Variants in STPG2 observed in about 807,000 individuals in gnomAD.
STPG2 encodes the protein sperm tail PG-rich repeat containing 2.
In STPG2, 56 loss-of-function variants were observed where a neutral mutation model predicts 54.2. That is an observed-to-expected ratio of 1.03 (90% confidence interval 0.83 to 1.29). STPG2 has a LOEUF of 1.29. Ranked by LOEUF, STPG2 falls within the 50% of genes most tolerant of loss-of-function variation. The pLI, the probability that STPG2 is intolerant of heterozygous loss-of-function variation, is 0.00. For synonymous variants in STPG2, 200 were observed against 181.8 expected, an observed-to-expected ratio of 1.10 and a Z score of -0.81; for missense variants, 596 against 544.9, an observed-to-expected ratio of 1.09 and a Z score of -0.93.
intron 8 of STPG2, among the ~76,000 whole-genome samples, chr4:97,904,758 C>A (rs1047603576): frequency 6.6e-6 from 1 of 152,028 alleles, no homozygotes; most frequent in Non-Finnish European, 1.5e-5. Flanking sequence ...AGAGAAGTGC[C>A]TAAAGGAGCT....
rs547907887 is a variant in STPG2, at chr4:97,481,980, G to A, written c.462+230719C>T. On this transcript the variant is annotated intron_variant, in intron 4 of 4. Transcript: ENST00000522676. Reference sequence around the variant, plus strand: ...AAATACATTGATCTGTAATCTTTTCGTATAAATCATTTATTAGCTTGAAAA... The same window carrying A: ...AAATACATTGATCTGTAATCTTTTCATATAAATCATTTATTAGCTTGAAAA... Among the ~76,000 whole-genome samples, 96 of 151,534 alleles carry A rather than the reference G, an allele frequency of 6.3e-4. No individual in the cohort carries two copies. The South Asian group carries it at 0.012, about 20-fold the overall frequency.
intron 10 of STPG2, among the ~76,000 whole-genome samples, chr4:97,703,186 C>G (rs908704030): frequency 6.6e-5 from 10 of 151,864 alleles, no homozygotes; most frequent in Non-Finnish European, 1.5e-4. Flanking sequence ...GCTCTCTAAA[C>G]AGTTCATGCC....
chr4:98,111,614 C>T (rs1233721244), intron 3 of STPG2, among the ~76,000 whole-genome samples: 2 of 152,020 alleles, frequency 1.3e-5, no homozygotes, highest in Non-Finnish European at 2.9e-5. Context: ...ATCTGCCTGG[C>T]CTGAAAAAAT....
intron 10 of STPG2, among the ~76,000 whole-genome samples, chr4:97,623,448 G>A (rs780445950): frequency 3.9e-5 from 6 of 152,074 alleles, no homozygotes; most frequent in Non-Finnish European, 7.4e-5. Context: ...CAAAGGTCAT[G>A]AACATACACT....
chr4:97,815,233 T>C (rs1649809500), intron 9 of STPG2, among the ~76,000 whole-genome samples: 1 of 152,164 alleles, frequency 6.6e-6, no homozygotes, highest in African/African-American at 2.4e-5. Flanking sequence ...TGTGTGTGTG[T>C]ATGTGTGTGC....
At chr4:97,451,755 G>A (rs897310528) in intron 4 of STPG2, among the ~76,000 whole-genome samples, 4 of 152,108 alleles carry the variant, frequency 2.6e-5, no homozygotes, top group East Asian at 1.9e-4. Flanking sequence ...GGAATTGAGA[G>A]ACTCTCCATC....
intron 9 of STPG2, among the ~76,000 whole-genome samples, chr4:97,817,539 T>C (rs1727953615): frequency 6.6e-6 from 1 of 152,026 alleles, no homozygotes; most frequent in Non-Finnish European, 1.5e-5. Flanking sequence ...TATTTCATTA[T>C]AGTCTATCAC....
intron 5 of STPG2, among the ~76,000 whole-genome samples, chr4:98,017,930 C>T (rs1235023259): frequency 6.6e-6 from 1 of 152,148 alleles, no homozygotes; most frequent in African/African-American, 2.4e-5. Flanking sequence ...TTCTCTTCCA[C>T]CTTCTGCCAT....
At chr4:97,966,429 A>C (rs1342572240) in intron 7 of STPG2, among the ~76,000 whole-genome samples, 3 of 152,372 alleles carry the variant, frequency 2.0e-5, no homozygotes, top group Non-Finnish European at 4.4e-5. Flanking sequence ...AGGAGAATGG[A>C]ACCAAGCTGG....
At chr4:97,596,725 A>G (rs1024662165) in intron 10 of STPG2, among the ~76,000 whole-genome samples, 1 of 152,200 alleles carries the variant, frequency 6.6e-6, no homozygotes, top group African/African-American at 2.4e-5. Context: ...ATGAGAAAAA[A>G]AGATAAAACA....
intron 4 of STPG2, among the ~76,000 whole-genome samples, chr4:97,512,122 T>C (rs1730986153): frequency 6.6e-6 from 1 of 152,082 alleles, no homozygotes; most frequent in Admixed American, 6.6e-5. Context: ...AGTTTCAAAA[T>C]GGCAACAGTT....
intron 5 of STPG2, among the ~76,000 whole-genome samples, chr4:98,037,930 A>T (rs191372703): frequency 1.1e-3 from 170 of 152,282 alleles, no homozygotes; most frequent in African/African-American, 3.9e-3. Context: ...AAATATCATG[A>T]AAGAAGATAA....
intron 8 of STPG2, among the ~76,000 whole-genome samples, chr4:97,902,006 T>A (rs1731194761): frequency 6.6e-6 from 1 of 151,992 alleles, no homozygotes; most frequent in Non-Finnish European, 1.5e-5. Flanking sequence ...AACCCACACA[T>A]ATACTATCAA....
intron 10 of STPG2, among the ~76,000 whole-genome samples, chr4:97,702,799 C>A (rs1259521635): frequency 6.6e-6 from 1 of 152,170 alleles, no homozygotes; most frequent in Non-Finnish European, 1.5e-5. Flanking sequence ...CTTTTCCAGT[C>A]AATGCCCTCA....
chr4:97,906,972 T>G (rs1239014680), intron 8 of STPG2, among the ~76,000 whole-genome samples: 3 of 149,790 alleles, frequency 2.0e-5, no homozygotes, highest in Admixed American at 6.6e-5. Flanking sequence ...AGGGATGCCC[T>G]CTCTCACCAC....
intron 5 of STPG2, among the ~76,000 whole-genome samples, chr4:97,992,364 G>A (rs759404374): frequency 2.1e-4 from 32 of 151,792 alleles, no homozygotes; most frequent in South Asian, 8.3e-4. Flanking sequence ...GTGTCCTTTC[G>A]CCACTTTATG....
chr4:97,970,915 A>T (rs1734302456), intron 7 of STPG2, among the ~76,000 whole-genome samples: 1 of 152,210 alleles, frequency 6.6e-6, no homozygotes, highest in African/African-American at 2.4e-5. Flanking sequence ...TACCCATCTG[A>T]CAAAGGGCTA....
rs1227237359 is a variant in STPG2, at chr4:98,142,990, G to A, written c.109+52C>T. ...CTCACAAGCACGCAGAAGCGGAGCA[G>A]GCTGAAGATAGGATGCCTGTCACAG... On this transcript the variant is annotated intron_variant, in intron 1 of 10. Coordinates refer to ENST00000295268, the MANE Select transcript of STPG2 (RefSeq NM_174952.3). 76 of 1,486,218 alleles carry A rather than the reference G, an allele frequency of 5.1e-5. 1 individual carries two copies. In the South Asian group the frequency reaches 8.4e-4, roughly 17 times the overall value. 92.1% of individuals were successfully genotyped at this position (1,486,218 alleles called of 1,614,324 possible).
chr4:97,711,157 AT>A, intron 10 of STPG2, among the ~76,000 whole-genome samples: 1 of 152,252 alleles, frequency 6.6e-6, no homozygotes, highest in South Asian at 2.1e-4. Flanking sequence ...GACATTTATT[AT>A]TTGTGGATAC....
Sources: gnomAD v4.1 joint callset for allele counts (sites outside exome capture counted in the v4.1 genomes callset) on GRCh38, gnomAD v4.1.1 for gene constraint, MANE v1.5 for transcripts, NCBI Gene and HGNC (gene_info 2026-07-23, HGNC 2026-07-21) for gene names.